Variants in PCNX1 observed in about 807,000 individuals in gnomAD.
The protein encoded by PCNX1 is pecanex 1, also known as pecanex-like protein 1.
PCNX1 carries 78 observed loss-of-function variants against 242.2 expected under a neutral mutation model. The observed-to-expected ratio is 0.32, with a 90% CI of 0.27 to 0.39. The LOEUF (loss-of-function observed/expected upper bound fraction) is 0.39, where lower values mean the gene tolerates loss of function less well. Ranked by LOEUF, PCNX1 falls within the 10% of genes least tolerant of loss-of-function variation. The probability of loss-of-function intolerance (pLI) is 1.00; values close to 1 mark genes in which losing one functional copy is unlikely to be tolerated. For missense variants in PCNX1, 2,581 were observed against 2,856.5 expected, an observed-to-expected ratio of 0.90 and a Z score of 2.20; for synonymous variants, 1,024 against 1,032.9, an observed-to-expected ratio of 0.99 and a Z score of 0.17.
chr14:70,952,714 T>C (rs1424541415), intron 2 of PCNX1, among the ~76,000 whole-genome samples: 1 of 152,004 alleles, frequency 6.6e-6, no homozygotes, highest in Non-Finnish European at 1.5e-5. Flanking sequence ...TTCATTCTTC[T>C]ATTTATAGCC....
At chr14:70,909,638 C>T (rs2139978447) in intron 1 of PCNX1, among the ~76,000 whole-genome samples, 1 of 152,258 alleles carries the variant, frequency 6.6e-6, no homozygotes, top group Admixed American at 6.5e-5. Flanking sequence ...GGTTAAGTCT[C>T]TTTGTGTAGT....
At chr14:71,081,043 A>G (rs1174986563) in intron 28 of PCNX1, among the ~76,000 whole-genome samples, 2 of 152,202 alleles carry the variant, frequency 1.3e-5, no homozygotes, top group East Asian at 1.9e-4. Context: ...GATAGGTTCC[A>G]TCAGTACCTA....
At chr14:71,061,976 T>C (rs575023143) in intron 26 of PCNX1, among the ~76,000 whole-genome samples, 15 of 152,288 alleles carry the variant, frequency 9.8e-5, no homozygotes, top group African/African-American at 3.6e-4. Context: ...GCAGAAGCTT[T>C]AGCAGAAGCT....
At chr14:70,916,200 G>T (rs1381121573) in intron 1 of PCNX1, among the ~76,000 whole-genome samples, 1 of 152,120 alleles carries the variant, frequency 6.6e-6, no homozygotes, top group South Asian at 2.1e-4. Flanking sequence ...AATTTTGAAG[G>T]TATCTTTGAG....
chr14:71,098,551 T>A (rs57868967), intron 30 of PCNX1, among the ~76,000 whole-genome samples: 34,053 of 125,934 alleles, frequency 0.27, 4,069 homozygotes, highest in Middle Eastern at 0.38. Flanking sequence ...TGTGTGTGTG[T>A]GTGAGAGAGA....
In PCNX1 at chr14:71,108,907, C is replaced by A; in HGVS notation, c.6605C>A (p.Ala2202Asp). The change falls in exon 34 of 36, where the codon GCC (alanine) becomes GAC (aspartate). Residue 2202 changes from alanine (A) to aspartate (D), a missense_variant. Physicochemically the swap from Ala to Asp is moderately radical, Grantham distance 126 (BLOSUM62 -2). Transcript: ENST00000304743. ...AGCAGCTCCAGCCAAAGCATCCCAGCCTGCAAACATCACACTCTCGTGGGC... is the reference window on the plus strand; with the variant it reads ...AGCAGCTCCAGCCAAAGCATCCCAGACTGCAAACATCACACTCTCGTGGGC... ...SSSSSSQSIP[A>D]CKHHTLVGFL... 1 of 1,614,226 alleles carries A rather than the reference C, an allele frequency of 6.2e-7. No homozygotes were observed. Among genetic ancestry groups the A allele is most frequent in the Non-Finnish European group, 8.5e-7 (1 of 1,180,036 alleles).
At chr14:71,032,927 T>C (rs2060429636) in intron 16 of PCNX1, among the ~76,000 whole-genome samples, 1 of 152,246 alleles carries the variant, frequency 6.6e-6, no homozygotes, top group Non-Finnish European at 1.5e-5. Context: ...GCCTGCTCAG[T>C]GCTGTGGAGG....
intron 1 of PCNX1, among the ~76,000 whole-genome samples, chr14:70,931,600 G>A (rs556645589): frequency 5.6e-4 from 86 of 152,240 alleles, no homozygotes; most frequent in Non-Finnish European, 9.4e-4. Context: ...GCTAATTTTT[G>A]TTTTCATCTG....
chr14:71,112,135 A>G lies in PCNX1; in HGVS notation c.*2200A>G, dbSNP rs1387267662. ...GCCTAGATAAAAGTAGAGCCTTTTC[A>G]ATCTTAGATGGAAGATAATTCATTT... On this transcript the variant is annotated 3_prime_UTR_variant, in exon 36 of 36. Transcript: ENST00000304743. 1 of 152,536 alleles carries G rather than the reference A, an allele frequency of 6.6e-6. No homozygotes were observed. Among genetic ancestry groups the G allele is most frequent in the African/African-American group, 2.4e-5 (1 of 41,446 alleles). The allele number at this position is 152,536 out of a possible 1,614,324, so 9.4% of individuals were successfully genotyped here. A position where few individuals can be genotyped will look rare whatever the true frequency, so the allele number is the denominator to read the frequency against.
In PCNX1 at chr14:70,927,304, A is replaced by C. The variant is rs59364493; in HGVS notation, c.153+19301A>C. On this transcript the variant is annotated intron_variant, in intron 1 of 35. Coordinates refer to ENST00000304743, the MANE Select transcript of PCNX1 (RefSeq NM_014982.3). ...GTTGCCTTTATGGTGGTAGTAGGAT[A>C]TGCTCTTCTACGTTTTTAAATTTTT... 8.6e-3 allele frequency among the ~76,000 whole-genome samples: 1,316 copies of C among 152,272 alleles called. 26 individuals are homozygous for C. The highest frequency in any genetic ancestry group is 0.03 in the African/African-American group (1,241 of 41,538).
In PCNX1 at chr14:70,907,612, C is replaced by T. The variant is rs1051292304; in HGVS notation, c.-239C>T. ...GCTCTCAGAAGGCCGGTCTCCTCCT[C>T]TCCGCCGTCCTCCGCCCCGCCGCTC... On this transcript the variant is annotated 5_prime_UTR_variant, in exon 1 of 36. Coordinates refer to ENST00000304743, the MANE Select transcript of PCNX1 (RefSeq NM_014982.3). 2 of 275,690 alleles carry T rather than the reference C, an allele frequency of 7.3e-6. No homozygotes were observed. The highest frequency in any genetic ancestry group is 1.5e-4 in the South Asian group (1 of 6,600). The allele number at this position is 275,690 out of a possible 1,614,324, so 17.1% of individuals were successfully genotyped here. A position where few individuals can be genotyped will look rare whatever the true frequency, so the allele number is the denominator to read the frequency against.
chr14:70,935,338 A>G (rs979146149), intron 1 of PCNX1, among the ~76,000 whole-genome samples: 5 of 152,308 alleles, frequency 3.3e-5, no homozygotes, highest in African/African-American at 2.4e-5. Context: ...CTTGAGGCCA[A>G]GAGTTTGAGA....
At position 70,944,916 on chromosome 14, in the gene PCNX1, G is replaced by GT. The variant is rs200892333; in HGVS notation, c.154-1998dup. On this transcript the variant is annotated intron_variant, in intron 1 of 35. Transcript: ENST00000304743. ...TGAAGCGGTGCCTTCTGCCATGATTGTAAGTTTCCTGAGGCCTCCTCAGCC... is the reference window on the plus strand; with the variant it reads ...TGAAGCGGTGCCTTCTGCCATGATTGTTAAGTTTCCTGAGGCCTCCTCAGCC... Among the ~76,000 whole-genome samples the GT allele has an allele frequency of 4.9e-3, 740 of 152,318 alleles. 5 individuals are homozygous for GT. The highest frequency in any genetic ancestry group is 0.017 in the African/African-American group (714 of 41,572).
chr14:71,012,327 A>C (rs2059841975), intron 10 of PCNX1: 2 of 154,558 alleles, frequency 1.3e-5, no homozygotes, highest in Admixed American at 1.3e-4. Context: ...AAGAGAAGCC[A>C]CTAACGATTC....
chr14:71,109,423 A>C, intron 34 of PCNX1, 29 bp from the exon 35 acceptor site: 1 of 1,572,390 alleles, frequency 6.4e-7, no homozygotes, highest in Non-Finnish European at 8.6e-7. Context: ...GAAAAAAATG[A>C]ATTGGAAATG....
At chr14:71,042,606 T>A (rs1034348403) in intron 19 of PCNX1, among the ~76,000 whole-genome samples, 19 of 151,068 alleles carry the variant, frequency 1.3e-4, no homozygotes, top group Admixed American at 4.6e-4. Context: ...TTGGCTGTTT[T>A]TAAAAAAAAA....
intron 1 of PCNX1, among the ~76,000 whole-genome samples, chr14:70,924,231 CAAAAAA>C (rs60333920): frequency 2.0e-5 from 2 of 98,008 alleles, no homozygotes; most frequent in Admixed American, 2.2e-4. Flanking sequence ...GAGACTGTCT[CAAAAAA>C]AAAAAAAAAA....
At chr14:70,917,129 T>C (rs2056181740) in intron 1 of PCNX1, among the ~76,000 whole-genome samples, 1 of 152,200 alleles carries the variant, frequency 6.6e-6, no homozygotes, top group Non-Finnish European at 1.5e-5. Flanking sequence ...CTAGTTCTCT[T>C]TTTGTTTTCA....
chr14:71,036,714 A>C (rs569056112), intron 19 of PCNX1, among the ~76,000 whole-genome samples: 1 of 152,356 alleles, frequency 6.6e-6, no homozygotes, highest in Non-Finnish European at 1.5e-5. Flanking sequence ...AAGCAGGACT[A>C]TAACTTTGTT....
Sources: allele counts gnomAD v4.1 joint callset (sites outside exome capture counted in the v4.1 genomes callset), GRCh38; gene constraint gnomAD v4.1.1; transcripts MANE v1.5; gene names NCBI Gene and HGNC (gene_info 2026-07-23, HGNC 2026-07-21).